Variants in EYA4 observed in about 807,000 individuals in gnomAD.
EYA4 encodes the protein EYA transcriptional coactivator and phosphatase 4.
In EYA4, 31 loss-of-function variants were observed where a neutral mutation model predicts 87.9. The observed-to-expected ratio is 0.35, with a 90% CI of 0.27 to 0.48. The LOEUF (loss-of-function observed/expected upper bound fraction) is 0.48, where lower values mean the gene tolerates loss of function less well. Ranked by LOEUF, EYA4 falls within the 20% of genes least tolerant of loss-of-function variation. EYA4 has a pLI of 0.99. For missense variants in EYA4, 678 were observed against 761.4 expected (o/e 0.89, Z 1.29); for synonymous variants, 263 against 270.6 (o/e 0.97, Z 0.28).
chr6:133,430,837 G>A (rs1423992037), intron 3 of EYA4, among the ~76,000 whole-genome samples: 2 of 152,182 alleles, frequency 1.3e-5, no homozygotes, highest in African/African-American at 4.8e-5. Flanking sequence ...TAGAGGGAGA[G>A]CCAATTAAAT....
At chr6:133,464,009 G>C (rs941126180) in intron 9 of EYA4, among the ~76,000 whole-genome samples, 1 of 151,622 alleles carries the variant, frequency 6.6e-6, no homozygotes, top group African/African-American at 2.4e-5. Context: ...TTCCAGGTCA[G>C]GTCAGTGGCA....
rs1303535323 is a variant in EYA4 at position 133,531,891 on chromosome 6, T to C, written c.*3086T>C. The C allele has an allele frequency of 6.6e-6, 1 of 152,222 alleles. No homozygotes were observed. Among genetic ancestry groups the C allele is most frequent in the Non-Finnish European group, 1.5e-5 (1 of 68,040 alleles). The allele number at this position is 152,222 out of a possible 1,614,324, so 9.4% of individuals were successfully genotyped here. On this transcript the variant is annotated 3_prime_UTR_variant, in exon 20 of 20. Transcript: ENST00000355286. Reference sequence around the variant, plus strand: ...TGAATATGGCATTTAGTATTTCTTTTGAAAACAAACTTAAGCATCATGAGC... The same window carrying C: ...TGAATATGGCATTTAGTATTTCTTTCGAAAACAAACTTAAGCATCATGAGC...
intron 3 of EYA4, among the ~76,000 whole-genome samples, chr6:133,405,319 T>A (rs1246736414): frequency 6.6e-6 from 1 of 152,178 alleles, no homozygotes; most frequent in Non-Finnish European, 1.5e-5. Context: ...GGCAACATCC[T>A]TTCCCCCAGT....
In EYA4 at chr6:133,382,793, A is replaced by AT. The variant is rs1583124572; in HGVS notation, c.83+352_83+353insT. ...CTGAATAACTGTCAAATCTGTGTTT[A>AT]CAAAAAAAAAAAAAAAACTATGATA... On this transcript the variant is annotated intron_variant, in intron 3 of 19. Coordinates refer to ENST00000355286, the MANE Select transcript of EYA4 (RefSeq NM_004100.5). Among the ~76,000 whole-genome samples the AT allele has an allele frequency of 1.3e-4, 11 of 86,700 alleles. 1 individual carries two copies. The East Asian group carries it at 4.0e-3, about 31-fold the overall frequency. The allele number at this position is 86,700 out of a possible 152,430, so 56.9% of individuals were successfully genotyped here. A position where few individuals can be genotyped will look rare whatever the true frequency, so the allele number is the denominator to read the frequency against.
At chr6:133,475,217 T>C (rs1197943369) in intron 11 of EYA4, among the ~76,000 whole-genome samples, 1 of 152,122 alleles carries the variant, frequency 6.6e-6, no homozygotes, top group African/African-American at 2.4e-5. Flanking sequence ...TTTTACTTCA[T>C]TCTCTTTCTA....
intron 1 of EYA4, among the ~76,000 whole-genome samples, chr6:133,273,379 C>A (rs1776898568): frequency 6.6e-6 from 1 of 152,048 alleles, no homozygotes; most frequent in Non-Finnish European, 1.5e-5. Context: ...GGTGGATCTG[C>A]CTTCTTCAGC....
chr6:133,284,014 G>A (rs191792238), intron 2 of EYA4, among the ~76,000 whole-genome samples: 157 of 152,216 alleles, frequency 1.0e-3, no homozygotes, highest in Admixed American at 2.0e-3. Context: ...CTAAAGACAC[G>A]ATTTCATGTT....
In EYA4 at chr6:133,382,419, G is replaced by T; in HGVS notation, c.61G>T (p.Val21Phe). The T allele has an allele frequency of 6.2e-7, 1 of 1,611,340 alleles. No homozygotes were observed. Among genetic ancestry groups the T allele is most frequent in the Non-Finnish European group, 8.5e-7 (1 of 1,177,604 alleles). Residue 21 changes from valine to phenylalanine, a missense_variant, in exon 3 of 20, where the codon GTT (valine) becomes TTT (phenylalanine). By Grantham distance (50) the Val-to-Phe change is conservative (BLOSUM62 -1). Transcript: ENST00000355286. Reference sequence around the variant, plus strand: ...AAAGAAAACGTGCACAGAATCAGATGTTTCACAATCTCAGAATTCCAGGTA... The same window carrying T: ...AAAGAAAACGTGCACAGAATCAGATTTTTCACAATCTCAGAATTCCAGGTA... ...SVKKTCTESD[V>F]SQSQNSRSME...
At chr6:133,447,117 T>A (rs1792925405) in intron 4 of EYA4, among the ~76,000 whole-genome samples, 1 of 152,242 alleles carries the variant, frequency 6.6e-6, no homozygotes, top group South Asian at 2.1e-4. Context: ...ACACACTTAC[T>A]ACTTTTTGGT....
chr6:133,370,156 G>A lies in EYA4; in HGVS notation c.34-12236G>A, dbSNP rs1037572832. Among the ~76,000 whole-genome samples, 4 of 152,102 alleles carry A rather than the reference G, an allele frequency of 2.6e-5. No individual in the cohort carries two copies. The East Asian group carries it at 5.8e-4, about 22-fold the overall frequency. On this transcript the variant is annotated intron_variant, in intron 2 of 19. Transcript: ENST00000355286. ...CCTCTCAGAGCATTCTGTAAACCTC[G>A]ACACAGTTTCATTCTACTGACAATG...
rs759688926 is a variant in EYA4, at chr6:133,504,562, C to G, written c.1192-1544C>G. Among the ~76,000 whole-genome samples, 12 of 152,278 alleles carry G rather than the reference C, an allele frequency of 7.9e-5. No homozygotes were observed. In the South Asian group the frequency reaches 2.5e-3, roughly 32 times the overall value. The stretch of plus-strand genomic sequence containing the variant: ...GTTTAGCTCTCATACCCCAGTGACC[C>G]CTTAGCACTCAATGCCTTTTTCTTA... On this transcript the variant is annotated intron_variant, in intron 13 of 19. Coordinates refer to ENST00000355286, the MANE Select transcript of EYA4 (RefSeq NM_004100.5).
chr6:133,481,931 T>C (rs530587368), intron 12 of EYA4, among the ~76,000 whole-genome samples: 1 of 152,336 alleles, frequency 6.6e-6, no homozygotes, highest in South Asian at 2.1e-4. Context: ...TAGCACTGTA[T>C]TCGATAGCAC....
At chr6:133,365,107 C>G (rs962896823) in intron 2 of EYA4, among the ~76,000 whole-genome samples, 4 of 152,116 alleles carry the variant, frequency 2.6e-5, no homozygotes, top group Non-Finnish European at 5.9e-5. Flanking sequence ...AAAGATGGAA[C>G]AGGAATTCAA....
intron 3 of EYA4, among the ~76,000 whole-genome samples, chr6:133,395,494 T>G: frequency 6.6e-6 from 1 of 152,188 alleles, no homozygotes; most frequent in East Asian, 1.9e-4. Context: ...CTGTGGTGGC[T>G]CCCGCCTGTA....
chr6:133,375,285 T>C (rs934155452), intron 2 of EYA4, among the ~76,000 whole-genome samples: 1 of 151,986 alleles, frequency 6.6e-6, no homozygotes, highest in African/African-American at 2.4e-5. Context: ...GTACATCTTA[T>C]GGGAAGTCCT....
intron 18 of EYA4, among the ~76,000 whole-genome samples, chr6:133,524,023 C>T (rs916223027): frequency 6.6e-6 from 1 of 152,112 alleles, no homozygotes; most frequent in African/African-American, 2.4e-5. Context: ...GCAAAAGGAG[C>T]CTCCAGTGGC....
chr6:133,525,100 G>A (rs1278031969), intron 18 of EYA4, 54 bp from the exon 19 acceptor site: 4 of 1,613,634 alleles, frequency 2.5e-6, no homozygotes, highest in South Asian at 1.1e-5. Context: ...GAGATGAGGA[G>A]CATGCCGCTA....
At chr6:133,282,342 G>A (rs939020540) in intron 2 of EYA4, among the ~76,000 whole-genome samples, 2 of 152,186 alleles carry the variant, frequency 1.3e-5, no homozygotes, top group Admixed American at 1.3e-4. Context: ...CTGATCATTA[G>A]TGATGTTAAG....
intron 19 of EYA4, chr6:133,525,898 C>T (rs370050507): frequency 6.1e-5 from 60 of 985,080 alleles, no homozygotes; most frequent in South Asian, 2.8e-4. Context: ...TTGTCTTAGC[C>T]GTAATGTGCC....
Sources: allele counts gnomAD v4.1 joint callset (sites outside exome capture counted in the v4.1 genomes callset), GRCh38; gene constraint gnomAD v4.1.1; transcripts MANE v1.5; gene names NCBI Gene and HGNC (gene_info 2026-07-23, HGNC 2026-07-21).